Variants in C12orf42 observed in about 807,000 individuals in gnomAD.
C12orf42 encodes chromosome 12 open reading frame 42.
In C12orf42, 25 loss-of-function variants were observed where a neutral mutation model predicts 21.6. The ratio of observed to expected loss-of-function variants is 1.16; its 90% CI spans 0.84 to 1.62. The LOEUF (loss-of-function observed/expected upper bound fraction) is 1.62, where lower values mean the gene tolerates loss of function less well. Ranked by LOEUF, C12orf42 falls within the 40% of genes most tolerant of loss-of-function variation. The pLI, the probability that C12orf42 is intolerant of heterozygous loss-of-function variation, is 0.00. For missense variants in C12orf42, 483 were observed against 459.3 expected (o/e 1.05, Z -0.47); for synonymous variants, 174 against 175.0 (o/e 0.99, Z 0.05).
intron 4 of C12orf42, among the ~76,000 whole-genome samples, chr12:103,362,139 G>C (rs75185067): frequency 0.031 from 4,655 of 152,214 alleles, 212 homozygotes; most frequent in African/African-American, 0.11. Context: ...AGTAGGTGCT[G>C]GTTTCCACAG....
At chr12:103,436,718 T>G (rs925066900) in intron 2 of C12orf42, among the ~76,000 whole-genome samples, 5 of 152,136 alleles carry the variant, frequency 3.3e-5, no homozygotes, top group Admixed American at 6.5e-5. Context: ...TAAATATATA[T>G]GCACCCAATA....
At chr12:103,286,649 T>G (rs888206264) in intron 4 of C12orf42, among the ~76,000 whole-genome samples, 21 of 151,932 alleles carry the variant, frequency 1.4e-4, no homozygotes, top group African/African-American at 5.1e-4. Flanking sequence ...ATGTGTGTGG[T>G]GCTTTTTACA....
chr12:103,362,392 C>G (rs1050079354), intron 4 of C12orf42, among the ~76,000 whole-genome samples: 2 of 152,040 alleles, frequency 1.3e-5, no homozygotes, highest in African/African-American at 4.8e-5. Context: ...TCTGACATAG[C>G]CTACCCAAAT....
chr12:103,435,855 A>C (rs1448167874), intron 2 of C12orf42, among the ~76,000 whole-genome samples: 1 of 151,998 alleles, frequency 6.6e-6, no homozygotes, highest in Non-Finnish European at 1.5e-5. Context: ...GAACTTCCCC[A>C]ATCTAGCAAG....
chr12:103,298,439 T>C (rs764255530), downstream of C12orf42, among the ~76,000 whole-genome samples: 14 of 152,234 alleles, frequency 9.2e-5, no homozygotes, highest in Non-Finnish European at 1.3e-4. Flanking sequence ...CAAACCACTG[T>C]TCAACGAAAT....
the C12orf42 span, among the ~76,000 whole-genome samples, chr12:103,109,134 A>T: frequency 6.6e-6 from 1 of 152,214 alleles, no homozygotes; most frequent in Non-Finnish European, 1.5e-5. Flanking sequence ...GCCAAGAATG[A>T]TCAACAAAAA....
chr12:103,272,948 A>T (rs2035556436), intron 5 of C12orf42, among the ~76,000 whole-genome samples: 1 of 152,182 alleles, frequency 6.6e-6, no homozygotes, highest in South Asian at 2.1e-4. Flanking sequence ...GCTTCTAGTA[A>T]ATCACAAGTT....
chr12:103,115,133 T>G, the C12orf42 span, among the ~76,000 whole-genome samples: 1 of 152,218 alleles, frequency 6.6e-6, no homozygotes. Flanking sequence ...TTTATGTTAA[T>G]CTCTAAATAT....
At chr12:103,190,571 A>G in the C12orf42 span, among the ~76,000 whole-genome samples, 1 of 152,254 alleles carries the variant, frequency 6.6e-6, no homozygotes, top group African/African-American at 2.4e-5. Flanking sequence ...ATAAAAAAGA[A>G]CAAAACAAAT....
chr12:103,129,788 C>A, the C12orf42 span, among the ~76,000 whole-genome samples: 1 of 152,198 alleles, frequency 6.6e-6, no homozygotes, highest in Non-Finnish European at 1.5e-5. Context: ...TGCAACCCAG[C>A]CTTTGGCACT....
chr12:103,486,667 C>A (rs961302881), intron 1 of C12orf42, among the ~76,000 whole-genome samples: 2 of 152,140 alleles, frequency 1.3e-5, no homozygotes, highest in Non-Finnish European at 2.9e-5. Flanking sequence ...AGAGATTCAA[C>A]TTCTTCCTGG....
intron 2 of C12orf42, chr12:103,431,295 A>G (rs1950246208): frequency 6.6e-6 from 1 of 152,214 alleles, no homozygotes; most frequent in South Asian, 2.1e-4. Context: ...GACCATAATC[A>G]CACCTAAAAG....
chr12:103,166,822 C>T, the C12orf42 span, among the ~76,000 whole-genome samples: 1 of 152,108 alleles, frequency 6.6e-6, no homozygotes, highest in Non-Finnish European at 1.5e-5. Flanking sequence ...GGCAAAATTT[C>T]ATCCATCTTT....
At chr12:103,415,102 A>G (rs1333571347) in intron 2 of C12orf42, among the ~76,000 whole-genome samples, 1 of 152,140 alleles carries the variant, frequency 6.6e-6, no homozygotes, top group Non-Finnish European at 1.5e-5. Context: ...AACAACAACA[A>G]AAAAAGAGTA....
chr12:103,181,828 T>C, the C12orf42 span, among the ~76,000 whole-genome samples: 1 of 152,210 alleles, frequency 6.6e-6, no homozygotes, highest in African/African-American at 2.4e-5. Flanking sequence ...ACCCCTACCC[T>C]GTCTCACAGG....
chr12:103,193,823 C>CTT, the C12orf42 span, among the ~76,000 whole-genome samples: 2 of 152,058 alleles, frequency 1.3e-5, no homozygotes, highest in African/African-American at 4.8e-5. Context: ...CTTCCAAACT[C>CTT]TTTTTTGTGA....
chr12:103,321,981 A>G (rs1454418698), intron 4 of C12orf42, among the ~76,000 whole-genome samples: 7 of 152,182 alleles, frequency 4.6e-5, no homozygotes, highest in Admixed American at 2.6e-4. Context: ...TAACCTGCAC[A>G]ATGTGCACAT....
chr12:103,434,879 C>G (rs552068775), intron 2 of C12orf42, among the ~76,000 whole-genome samples: 7 of 152,224 alleles, frequency 4.6e-5, no homozygotes, highest in African/African-American at 1.7e-4. Context: ...CCGGGAAGCT[C>G]GAACTGGGTG....
At chr12:103,297,668 C>A (rs2037391704), downstream of C12orf42, among the ~76,000 whole-genome samples, 1 of 151,772 alleles carries the variant, frequency 6.6e-6, no homozygotes, top group Admixed American at 6.6e-5. Context: ...GAATTTTAGA[C>A]CAATATCCCT....
Sources: allele counts gnomAD v4.1 joint callset (sites outside exome capture counted in the v4.1 genomes callset), GRCh38; gene constraint gnomAD v4.1.1; transcripts MANE v1.5; gene names NCBI Gene and HGNC (gene_info 2026-07-23, HGNC 2026-07-21).